NPR3: variants seen among roughly 807,000 people sequenced by gnomAD.
The protein encoded by NPR3 is atrial natriuretic peptide receptor 3.
NPR3 carries 34 observed loss-of-function variants against 54.5 expected under a neutral mutation model. The ratio of observed to expected loss-of-function variants is 0.62; its 90% CI spans 0.47 to 0.83. The LOEUF (loss-of-function observed/expected upper bound fraction) is 0.83, where lower values mean the gene tolerates loss of function less well. Among genes scored for constraint, NPR3 ranks in the 40% least tolerant of loss-of-function variants. The probability of loss-of-function intolerance (pLI) is 0.00; values close to 1 mark genes in which losing one functional copy is unlikely to be tolerated. For synonymous variants in NPR3, 289 were observed against 297.1 expected, an observed-to-expected ratio of 0.97 and a Z score of 0.28; for missense variants, 674 against 720.8, an observed-to-expected ratio of 0.94 and a Z score of 0.74.
At chr5:32,723,687 T>A (rs768716977) in intron 1 of NPR3, among the ~76,000 whole-genome samples, 17 of 152,366 alleles carry the variant, frequency 1.1e-4, no homozygotes, top group Admixed American at 7.8e-4. Flanking sequence ...CAGTTTTTTT[T>A]AAAAGAACTT....
intron 1 of NPR3, chr5:32,713,159 A>G (rs975233323): frequency 1.0e-6 from 1 of 985,156 alleles, no homozygotes; most frequent in Admixed American, 6.2e-5. Flanking sequence ...TCCACCAAAA[A>G]TGCCCCTGTG....
chr5:32,708,986 C>T (rs974191906), upstream of NPR3, among the ~76,000 whole-genome samples: 1 of 151,260 alleles, frequency 6.6e-6, no homozygotes, highest in Non-Finnish European at 1.5e-5. Flanking sequence ...CTTGTTGCTG[C>T]TCTTGAGTGT....
intron 2 of NPR3, among the ~76,000 whole-genome samples, chr5:32,735,274 C>A (rs982960129): frequency 1.3e-5 from 2 of 152,134 alleles, no homozygotes; most frequent in Non-Finnish European, 2.9e-5. Context: ...TCTGCTGCTT[C>A]TTTACTGTTA....
intron 2 of NPR3, among the ~76,000 whole-genome samples, chr5:32,732,604 T>C (rs946115345): frequency 6.6e-6 from 1 of 152,190 alleles, no homozygotes; most frequent in Non-Finnish European, 1.5e-5. Context: ...AGCACCCTTT[T>C]CCTTGGGGTA....
At chr5:32,721,507 G>T (rs1442347078) in intron 1 of NPR3, among the ~76,000 whole-genome samples, 3 of 152,130 alleles carry the variant, frequency 2.0e-5, no homozygotes, top group Non-Finnish European at 2.9e-5. Flanking sequence ...GCCGGGTGTG[G>T]TAACATGCAC....
rs562302826 is a variant in NPR3 at position 32,738,730 on chromosome 5, G to C, written c.893-134G>C. 247 of 697,452 alleles carry C rather than the reference G, an allele frequency of 3.5e-4. No homozygotes were observed. The South Asian group carries it at 4.6e-3, about 13-fold the overall frequency. The allele number at this position is 697,452 out of a possible 1,614,324, so 43.2% of individuals were successfully genotyped here. On this transcript the variant is annotated intron_variant, in intron 2 of 7. Coordinates refer to ENST00000265074, the MANE Select transcript of NPR3 (RefSeq NM_001204375.2). ...CTTGACGTTGTCCCATCATACCTAA[G>C]TGCAAAACTATGACAATACTTCTCT...
chr5:32,743,987 ATT>A (rs199604802), intron 3 of NPR3, among the ~76,000 whole-genome samples: 67 of 113,830 alleles, frequency 5.9e-4, no homozygotes, highest in South Asian at 8.3e-4. Flanking sequence ...ATTCTGATGC[ATT>A]TTTTTTTTTT....
intron 2 of NPR3, 22 bp from the exon 3 acceptor site, chr5:32,738,838 TATAA>T (rs1397505633): frequency 6.2e-7 from 1 of 1,604,802 alleles, no homozygotes; most frequent in African/African-American, 1.3e-5. Context: ...GGCTTGGAAT[TATAA>T]ATATTTTTAT....
intron 3 of NPR3, among the ~76,000 whole-genome samples, chr5:32,749,103 C>T (rs1365966243): frequency 6.6e-6 from 1 of 152,086 alleles, no homozygotes; most frequent in Non-Finnish European, 1.5e-5. Context: ...ATGCTTTCAT[C>T]AGTTGTAGAA....
intron 4 of NPR3, among the ~76,000 whole-genome samples, chr5:32,779,955 C>T (rs761696058): frequency 1.3e-5 from 2 of 152,128 alleles, no homozygotes; most frequent in Non-Finnish European, 2.9e-5. Context: ...GAGACTGAGG[C>T]TTAGAGGGCT....
intron 3 of NPR3, among the ~76,000 whole-genome samples, chr5:32,745,286 C>T (rs1437337471): frequency 6.6e-6 from 1 of 152,204 alleles, no homozygotes; most frequent in Non-Finnish European, 1.5e-5. Context: ...AGCCCTACTG[C>T]AGAGGCTCTC....
At chr5:32,717,042 C>T (rs1403374681) in intron 1 of NPR3, among the ~76,000 whole-genome samples, 1 of 115,898 alleles carries the variant, frequency 8.6e-6, no homozygotes, top group African/African-American at 3.4e-5. Context: ...TGTGATGTTT[C>T]CCGCCCTGTG....
Position 32,789,428 on chromosome 5 carries a change from T to A in NPR3, c.*3083T>A, listed in dbSNP as rs1466235565. On this transcript the variant is annotated 3_prime_UTR_variant, in exon 8 of 8. Coordinates refer to ENST00000265074, the MANE Select transcript of NPR3 (RefSeq NM_001204375.2). ...TGAGAAGGTCCCTGAAAACATCACA[T>A]TTCTCTGAAGAACCATCAACTTGTC... is the stretch of plus-strand genomic sequence containing the variant. 1.9e-6 allele frequency: 1 copy of A among 529,600 alleles called. No individual in the cohort carries two copies. The highest frequency in any genetic ancestry group is 3.9e-6 in the Non-Finnish European group (1 of 258,036). 32.8% of individuals were successfully genotyped at this position (529,600 alleles called of 1,614,324 possible).
upstream of NPR3, among the ~76,000 whole-genome samples, chr5:32,709,204 C>G (rs1407773474): frequency 6.6e-6 from 1 of 152,040 alleles, no homozygotes; most frequent in Non-Finnish European, 1.5e-5. Context: ...TCGCCATTGG[C>G]TGGTGTTCCG....
At chr5:32,766,230 C>T (rs1302490192) in intron 3 of NPR3, among the ~76,000 whole-genome samples, 1 of 152,160 alleles carries the variant, frequency 6.6e-6, no homozygotes, top group Non-Finnish European at 1.5e-5. Context: ...CTAGAGGTCC[C>T]TAGCAGGAAG....
chr5:32,741,278 C>G (rs545394920), intron 3 of NPR3, among the ~76,000 whole-genome samples: 1 of 152,142 alleles, frequency 6.6e-6, no homozygotes, highest in South Asian at 2.1e-4. Context: ...ATTAGCCAGG[C>G]ATGGTGGCAT....
rs186368238 is a variant in NPR3, at chr5:32,752,191, C to T, written c.1059+13161C>T. Among the ~76,000 whole-genome samples the T allele has an allele frequency of 2.3e-3, 345 of 151,822 alleles. 4 individuals carry two copies. The highest frequency in any genetic ancestry group is 1.0e-3 in the South Asian group (5 of 4,806). On this transcript the variant is annotated intron_variant, in intron 3 of 7. Coordinates refer to ENST00000265074, the MANE Select transcript of NPR3 (RefSeq NM_001204375.2). ...TGCAATCCAGCCTGGGCAACAAGAG[C>T]GAGACTCCTCCACCTCCAAAAACAA...
chr5:32,747,002 A>G (rs1489786595), intron 3 of NPR3, among the ~76,000 whole-genome samples: 2 of 152,216 alleles, frequency 1.3e-5, no homozygotes, highest in Non-Finnish European at 2.9e-5. Flanking sequence ...ATGATAAATA[A>G]TACACAACTT....
At chr5:32,762,904 C>A (rs1741253074) in intron 3 of NPR3, among the ~76,000 whole-genome samples, 1 of 152,296 alleles carries the variant, frequency 6.6e-6, no homozygotes, top group African/African-American at 2.4e-5. Context: ...GAAGTCTTTG[C>A]CCATGCCTAT....
Sources: allele counts gnomAD v4.1 joint callset (sites outside exome capture counted in the v4.1 genomes callset), GRCh38; gene constraint gnomAD v4.1.1; transcripts MANE v1.5; gene names NCBI Gene and HGNC (gene_info 2026-07-23, HGNC 2026-07-21).